The following PALM2AKAP2 variants were observed in gnomAD, a reference collection of about 807,000 sequenced individuals.
The protein encoded by PALM2AKAP2 is PALM2-AKAP2 fusion protein.
Under a neutral mutation model 71.5 loss-of-function variants are expected in PALM2AKAP2, and 37 were observed. That is an observed-to-expected ratio of 0.52 (90% CI 0.40 to 0.68). The LOEUF (loss-of-function observed/expected upper bound fraction) is 0.68, where lower values mean the gene tolerates loss of function less well. PALM2AKAP2 is among the 30% of genes least tolerant of loss of function. PALM2AKAP2 has a pLI of 0.00. For missense variants in PALM2AKAP2, 1,224 were observed against 1,191.8 expected (o/e 1.03, Z -0.40); for synonymous variants, 468 against 478.8 (o/e 0.98, Z 0.29).
At chr9:110,035,652 CATATATAGGATATGTTGTGTGTTA>C (rs1833385506) in intron 7 of PALM2AKAP2, among the ~76,000 whole-genome samples, 3 of 101,776 alleles carry the variant, frequency 2.9e-5, no homozygotes, top group African/African-American at 1.3e-4. Flanking sequence ...TTATATATAA[CATATATAGGATATGTTGTGTGTTA>C]TATATAACAT....
intron 6 of PALM2AKAP2, among the ~76,000 whole-genome samples, chr9:110,003,379 G>T (rs189138823): frequency 0.098 from 14,845 of 152,160 alleles, 1,005 homozygotes; most frequent in East Asian, 0.31. Flanking sequence ...TAGTTTGATT[G>T]CACTGTGGTC....
At chr9:110,129,559 T>G (rs1278647374) in intron 1 of PALM2AKAP2, among the ~76,000 whole-genome samples, 1 of 152,344 alleles carries the variant, frequency 6.6e-6, no homozygotes, top group African/African-American at 2.4e-5. Context: ...CCTTTCCCAC[T>G]TAACAGAGGG....
rs34057385 is a variant in PALM2AKAP2 at position 109,969,088 on chromosome 9, G to GCACACACACACACACACACACACACACA, written c.496+37085_496+37086insACACACACACACACACACACACACACAC. On this transcript the variant is annotated intron_variant, in intron 6 of 9. Transcript: ENST00000302798. ...TTCCTGCACCTCTACAAATGTGCGT[G>GCACACACACACACACACACACACACACA]CACACACACACACACACACACACAC... Among the ~76,000 whole-genome samples, 44 of 149,702 alleles carry GCACACACACACACACACACACACACACA rather than the reference G, an allele frequency of 2.9e-4. 1 individual carries two copies. The highest frequency in any genetic ancestry group is 3.4e-3 in the Middle Eastern group (1 of 292).
At chr9:110,128,341 GC>G (rs1187883134) in intron 1 of PALM2AKAP2, among the ~76,000 whole-genome samples, 3 of 152,232 alleles carry the variant, frequency 2.0e-5, no homozygotes, top group African/African-American at 7.2e-5. Context: ...GATTGTCATT[GC>G]GTCCTGCGCA....
At chr9:110,161,842 G>A (rs893386181) in intron 3 of PALM2AKAP2, among the ~76,000 whole-genome samples, 5 of 152,044 alleles carry the variant, frequency 3.3e-5, no homozygotes, top group Admixed American at 6.6e-5. Context: ...TGAAAGCAAC[G>A]TTTTGAATTA....
chr9:109,642,013 T>A, intron 1 of PALM2AKAP2, among the ~76,000 whole-genome samples: 1 of 152,186 alleles, frequency 6.6e-6, no homozygotes, highest in East Asian at 1.9e-4. Flanking sequence ...ACTCCAGCAA[T>A]TGAATGTCTC....
At chr9:109,809,577 A>G (rs1210388707) in intron 1 of PALM2AKAP2, among the ~76,000 whole-genome samples, 4 of 152,240 alleles carry the variant, frequency 2.6e-5, no homozygotes, top group Non-Finnish European at 5.9e-5. Flanking sequence ...GCCTTGTCTC[A>G]GATGAGACTT....
intron 7 of PALM2AKAP2, among the ~76,000 whole-genome samples, chr9:110,039,695 TAGCAGCAGCAGC>T (rs10536981): frequency 6.6e-6 from 1 of 151,424 alleles, no homozygotes; most frequent in African/African-American, 2.4e-5. Flanking sequence ...TCAAACATAG[TAGCAGCAGCAGC>T]AGCAGCAGCA....
intron 6 of PALM2AKAP2, among the ~76,000 whole-genome samples, chr9:109,984,715 A>T (rs1432546118): frequency 2.1e-5 from 3 of 144,228 alleles, no homozygotes; most frequent in Non-Finnish European, 3.0e-5. Context: ...TTTTTTTTTT[A>T]AAGAAAAATC....
At chr9:109,910,048 C>T (rs572533429) in intron 3 of PALM2AKAP2, among the ~76,000 whole-genome samples, 32 of 152,106 alleles carry the variant, frequency 2.1e-4, no homozygotes, top group Non-Finnish European at 4.3e-4. Context: ...AGGAGAGAGC[C>T]TATACTAGGG....
intron 1 of PALM2AKAP2, among the ~76,000 whole-genome samples, chr9:109,699,939 C>A (rs1828029097): frequency 6.6e-6 from 1 of 152,086 alleles, no homozygotes; most frequent in Admixed American, 6.5e-5. Context: ...CCACACCCGG[C>A]TAATTTTTGT....
Position 110,060,947 on chromosome 9 carries a change from A to G in PALM2AKAP2, c.156+12092A>G, listed in dbSNP as rs140493905. Among the ~76,000 whole-genome samples, 809 of 152,124 alleles carry G rather than the reference A, an allele frequency of 5.3e-3. 6 individuals carry two copies. The highest frequency in any genetic ancestry group is 0.027 in the Middle Eastern group (8 of 294). On this transcript the variant is annotated intron_variant, in intron 1 of 3. Coordinates refer to ENST00000374525, the Ensembl canonical transcript of PALM2AKAP2. ...CTACTTGTAAGCTGTCTGAAGGTCTATTTCCCTGACTTTGCAGTTCCTTAA... is the reference window on the plus strand; with the variant it reads ...CTACTTGTAAGCTGTCTGAAGGTCTGTTTCCCTGACTTTGCAGTTCCTTAA...
At chr9:110,029,163 A>G (rs538860481) in intron 7 of PALM2AKAP2, among the ~76,000 whole-genome samples, 19 of 152,176 alleles carry the variant, frequency 1.2e-4, no homozygotes, top group African/African-American at 4.3e-4. Context: ...GAGAAACACT[A>G]CCCTCTATTT....
intron 1 of PALM2AKAP2, among the ~76,000 whole-genome samples, chr9:109,743,168 A>AT (rs1471147942): frequency 6.6e-6 from 1 of 152,146 alleles, no homozygotes; most frequent in Non-Finnish European, 1.5e-5. Flanking sequence ...ATCCAGTAGG[A>AT]TAAAAAAAGG....
chr9:109,665,749 C>T (rs1195074592), intron 1 of PALM2AKAP2, among the ~76,000 whole-genome samples: 1 of 152,254 alleles, frequency 6.6e-6, no homozygotes, highest in Non-Finnish European at 1.5e-5. Context: ...ACGTTTAAAT[C>T]TGCAGAAGTT....
At chr9:109,703,660 T>C (rs1828097820) in intron 1 of PALM2AKAP2, among the ~76,000 whole-genome samples, 1 of 151,982 alleles carries the variant, frequency 6.6e-6, no homozygotes, top group African/African-American at 2.4e-5. Context: ...AAATCAGAAA[T>C]AAACCCATTC....
chr9:109,700,105 A>G (rs1032238448), intron 1 of PALM2AKAP2, among the ~76,000 whole-genome samples: 2 of 152,070 alleles, frequency 1.3e-5, no homozygotes, highest in Non-Finnish European at 2.9e-5. Context: ...TATTGTACCA[A>G]ATGGGAAGGA....
chr9:109,855,024 C>T (rs555042582), intron 1 of PALM2AKAP2, among the ~76,000 whole-genome samples: 25 of 151,710 alleles, frequency 1.6e-4, no homozygotes, highest in African/African-American at 5.6e-4. Flanking sequence ...CGCCTCGGCC[C>T]CCCAAAGTAC....
chr9:109,838,441 G>T (rs914881009), intron 1 of PALM2AKAP2, among the ~76,000 whole-genome samples: 1 of 152,104 alleles, frequency 6.6e-6, no homozygotes, highest in Non-Finnish European at 1.5e-5. Context: ...ATCTCAAATT[G>T]ACACCCTAAC....
Sources: allele counts gnomAD v4.1 joint callset (sites outside exome capture counted in the v4.1 genomes callset), GRCh38; gene constraint gnomAD v4.1.1; transcripts MANE v1.5; gene names NCBI Gene and HGNC (gene_info 2026-07-23, HGNC 2026-07-21).